FAS: variants seen among roughly 807,000 people sequenced by gnomAD.
The protein encoded by FAS is Fas cell surface death receptor.
A neutral mutation model predicts 33.2 loss-of-function variants in FAS; 5 were observed. That is an observed-to-expected ratio of 0.15 (90% confidence interval 0.08 to 0.32). FAS has a LOEUF of 0.32. FAS is among the 10% of genes least tolerant of loss of function. FAS has a pLI of 1.00. For synonymous variants in FAS, 131 were observed against 130.7 expected (o/e 1.00, Z -0.01); for missense variants, 339 against 386.0 (o/e 0.88, Z 1.02).
intron 3 of FAS, 48 bp downstream of exon 3, chr10:89,007,885 T>G (rs959465921): frequency 1.9e-6 from 3 of 1,611,382 alleles, no homozygotes; most frequent in South Asian, 2.2e-5. Context: ...TGGAATTTCA[T>G]GTAGAACCAT....
intron 8 of FAS, 119 bp from the exon 9 acceptor site, chr10:89,014,000 A>G (rs899585974): frequency 5.7e-6 from 6 of 1,049,702 alleles, no homozygotes; most frequent in Admixed American, 4.4e-5. Flanking sequence ...TCAGCTCTTC[A>G]TAGACCTTTA....
chr10:89,011,100 C>A, intron 6 of FAS: 1 of 495,376 alleles, frequency 2.0e-6, no homozygotes, highest in Non-Finnish European at 3.6e-6. Flanking sequence ...AGAAGCAATT[C>A]TTCACTATTC....
intron 1 of FAS, among the ~76,000 whole-genome samples, chr10:88,969,738 G>C (rs1846390823): frequency 1.3e-5 from 2 of 152,268 alleles, no homozygotes; most frequent in South Asian, 4.1e-4. Context: ...AGTACTTACT[G>C]TAGTTTGTAG....
At chr10:89,001,747 A>G (rs1445978229) in intron 1 of FAS, among the ~76,000 whole-genome samples, 2 of 152,208 alleles carry the variant, frequency 1.3e-5, no homozygotes, top group Non-Finnish European at 2.9e-5. Context: ...GTCATCGGAT[A>G]CAAAGAACAA....
chr10:88,966,450 G>A (rs1481792604), intron 1 of FAS, among the ~76,000 whole-genome samples: 1 of 151,950 alleles, frequency 6.6e-6, no homozygotes, highest in African/African-American at 2.4e-5. Flanking sequence ...TAAGTGTGTG[G>A]GCCTATTATT....
chr10:88,989,664 G>A (rs1009673631), upstream of FAS: 1 of 466,476 alleles, frequency 2.1e-6, no homozygotes, highest in Non-Finnish European at 4.3e-6. Flanking sequence ...GCCCAAACAG[G>A]CTCCAGAAGA....
chr10:88,967,181 C>A (rs1321793860), intron 1 of FAS, among the ~76,000 whole-genome samples: 3 of 152,110 alleles, frequency 2.0e-5, no homozygotes, highest in Non-Finnish European at 4.4e-5. Context: ...AAAATTGAGA[C>A]CCTATAGGGT....
At chr10:88,969,563 A>T (rs1846385985) in intron 1 of FAS, among the ~76,000 whole-genome samples, 1 of 152,122 alleles carries the variant, frequency 6.6e-6, no homozygotes, top group Non-Finnish European at 1.5e-5. Context: ...TTATGTTTGC[A>T]GCATCAAGAT....
chr10:88,981,068 A>G (rs554505977), intron 2 of FAS, among the ~76,000 whole-genome samples: 2 of 152,308 alleles, frequency 1.3e-5, no homozygotes, highest in African/African-American at 4.8e-5. Context: ...TGGGGAGGCC[A>G]ACTGCGAGGA....
intron 2 of FAS, among the ~76,000 whole-genome samples, chr10:88,980,103 G>A (rs191657570): frequency 6.6e-6 from 1 of 152,200 alleles, no homozygotes; most frequent in East Asian, 1.9e-4. Flanking sequence ...TTTAAGTTTT[G>A]TTCACCACTT....
At chr10:88,991,489 G>A (rs1225022150) in intron 1 of FAS, 1 of 166,438 alleles carries the variant, frequency 6.0e-6, no homozygotes, top group Non-Finnish European at 1.3e-5. Flanking sequence ...GGAGGGCTCG[G>A]AAGAACGGCA....
upstream of FAS, among the ~76,000 whole-genome samples, chr10:88,988,911 A>G (rs1432775276): frequency 6.6e-6 from 1 of 152,188 alleles, no homozygotes. Context: ...TGACCATGAA[A>G]CATATGTCTC....
chr10:88,979,526 A>C (rs1376945638), intron 2 of FAS, among the ~76,000 whole-genome samples: 1 of 152,184 alleles, frequency 6.6e-6, no homozygotes, highest in Non-Finnish European at 1.5e-5. Flanking sequence ...CAATAACCCT[A>C]ATGAAGTATG....
Position 89,015,223 on chromosome 10 carries a change from C to T in FAS, c.*773C>T. 2 of 534,670 alleles carry T rather than the reference C, an allele frequency of 3.7e-6. No individual in the cohort carries two copies. The highest frequency in any genetic ancestry group is 1.5e-5 in the South Asian group (1 of 65,170). The allele number at this position is 534,670 out of a possible 1,614,324, so 33.1% of individuals were successfully genotyped here. On this transcript the variant is annotated 3_prime_UTR_variant, in exon 9 of 9. Coordinates refer to ENST00000652046, the MANE Select transcript of FAS (RefSeq NM_000043.6). Reference sequence around the variant, plus strand: ...ACCTCTCCATTTTTGCCTTGGTGCTCATCTTAATGGCCTAATGCACCCCCA... The same window carrying T: ...ACCTCTCCATTTTTGCCTTGGTGCTTATCTTAATGGCCTAATGCACCCCCA...
At chr10:89,012,380 G>A (rs1848577223) in intron 7 of FAS, 1 of 328,316 alleles carries the variant, frequency 3.0e-6, no homozygotes, top group Non-Finnish European at 5.8e-6. Flanking sequence ...GGTTCACTTT[G>A]TTGCCCAGGC....
chr10:88,983,607 TGCAAAAA>T (rs1846767840), upstream of FAS, among the ~76,000 whole-genome samples: 1 of 57,604 alleles, frequency 1.7e-5, no homozygotes, highest in African/African-American at 7.5e-5. Flanking sequence ...TAACAGGTTA[TGCAAAAA>T]AAAAAAAAAA....
At chr10:88,984,784 G>A (rs976580234), upstream of FAS, among the ~76,000 whole-genome samples, 3 of 152,246 alleles carry the variant, frequency 2.0e-5, no homozygotes, top group East Asian at 5.8e-4. Context: ...AAGAGAGAGA[G>A]ACATCTTCTC....
Position 88,991,185 on chromosome 10 carries a change from C to T in FAS, c.30+279C>T, listed in dbSNP as rs1847177932. The T allele has an allele frequency of 8.7e-6, 5 of 575,046 alleles. No individual in the cohort carries two copies. The East Asian group carries it at 1.5e-4, about 17-fold the overall frequency. 35.6% of individuals were successfully genotyped at this position (575,046 alleles called of 1,614,324 possible). On this transcript the variant is annotated intron_variant, in intron 1 of 8. Coordinates refer to ENST00000652046, the MANE Select transcript of FAS (RefSeq NM_000043.6). Reference sequence around the variant, plus strand: ...GGCAGGCGGGGCAGCTCCGGCGCTCCTCGGAGACCACTGCGCTCCACGTTG... The same window carrying T: ...GGCAGGCGGGGCAGCTCCGGCGCTCTTCGGAGACCACTGCGCTCCACGTTG...
At chr10:88,983,675 T>A (rs1195090415), upstream of FAS, among the ~76,000 whole-genome samples, 1 of 145,122 alleles carries the variant, frequency 6.9e-6, no homozygotes, top group Non-Finnish European at 1.5e-5. Context: ...GTTCTGGACA[T>A]TATATAAGCA....
Sources: allele counts gnomAD v4.1 joint callset (sites outside exome capture counted in the v4.1 genomes callset), GRCh38; gene constraint gnomAD v4.1.1; transcripts MANE v1.5; gene names NCBI Gene and HGNC (gene_info 2026-07-23, HGNC 2026-07-21).